Variants in CD247 observed in about 807,000 individuals in gnomAD.
The protein encoded by CD247 is CD247 molecule.
In CD247, 13 loss-of-function variants were observed where a neutral mutation model predicts 30.0. The observed-to-expected ratio is 0.43, with a 90% confidence interval of 0.28 to 0.69. CD247 has a LOEUF of 0.69. Among genes scored for constraint, CD247 ranks in the 30% least tolerant of loss-of-function variants. CD247 has a pLI of 0.16. For missense variants in CD247, 193 were observed against 212.6 expected, an observed-to-expected ratio of 0.91 and a Z score of 0.57; for synonymous variants, 72 against 80.0, an observed-to-expected ratio of 0.90 and a Z score of 0.53.
chr1:167,503,523 A>G (rs1000649384), intron 1 of CD247, among the ~76,000 whole-genome samples: 5 of 152,220 alleles, frequency 3.3e-5, no homozygotes, highest in Non-Finnish European at 7.3e-5. Flanking sequence ...GAAGTTTTGG[A>G]AAAGTCCTGC....
chr1:167,455,913 C>A (rs1652633234), intron 1 of CD247, among the ~76,000 whole-genome samples: 1 of 152,144 alleles, frequency 6.6e-6, no homozygotes, highest in Admixed American at 6.5e-5. Flanking sequence ...GCCCGGCACA[C>A]GAGCACGGCG....
At chr1:167,435,557 C>T (rs1651506570) in intron 4 of CD247, 123 bp from the exon 5 acceptor site, 1 of 795,514 alleles carries the variant, frequency 1.3e-6, no homozygotes, top group Non-Finnish European at 2.2e-6. Context: ...TGCCTCTCTC[C>T]TCCCTGTGCT....
chr1:167,511,782 G>C (rs909684849), intron 1 of CD247, among the ~76,000 whole-genome samples: 2 of 151,986 alleles, frequency 1.3e-5, no homozygotes, highest in African/African-American at 4.8e-5. Flanking sequence ...CCTGTACGAG[G>C]GCCCCGAGAA....
At chr1:167,514,462 TA>T (rs1260859788) in intron 1 of CD247, among the ~76,000 whole-genome samples, 1 of 152,184 alleles carries the variant, frequency 6.6e-6, no homozygotes, top group African/African-American at 2.4e-5. Flanking sequence ...GGTACCATGC[TA>T]AGTGCTGGGT....
chr1:167,501,053 CT>C (rs569489236), intron 1 of CD247, among the ~76,000 whole-genome samples: 6,896 of 124,282 alleles, frequency 0.055, 374 homozygotes, highest in African/African-American at 0.18. Flanking sequence ...TCCTATTGTT[CT>C]TTTTTTTTTT....
chr1:167,451,062 G>A (rs2056625), intron 1 of CD247, among the ~76,000 whole-genome samples: 41,136 of 151,940 alleles, frequency 0.27, 6,996 homozygotes, highest in Middle Eastern at 0.42. Flanking sequence ...AGGGCACTCC[G>A]GGCAGAGGAG....
chr1:167,505,132 T>C lies in CD247; in HGVS notation c.58+13276A>G, dbSNP rs557536842. Among the ~76,000 whole-genome samples, 313 of 152,268 alleles carry C rather than the reference T, an allele frequency of 2.1e-3. 1 individual carries two copies. Among genetic ancestry groups the C allele is most frequent in the Non-Finnish European group, 2.7e-3 (184 of 68,012 alleles). On this transcript the variant is annotated intron_variant, in intron 1 of 7. Coordinates refer to ENST00000362089, the MANE Select transcript of CD247 (RefSeq NM_198053.3). ...CCTTGTACATAGCTGACATTTTCTT[T>C]TCTTTTTCTTTTTTTAGAGACAGGG... is the stretch of plus-strand genomic sequence containing the variant.
intron 1 of CD247, 94 bp downstream of exon 1, chr1:167,518,314 C>CA (rs1655704806): frequency 8.4e-7 from 1 of 1,191,148 alleles, no homozygotes; most frequent in East Asian, 2.3e-5. Context: ...AAGGAGACCC[C>CA]AGCCCCTCAC....
intron 1 of CD247, among the ~76,000 whole-genome samples, chr1:167,511,375 G>T (rs1655380325): frequency 6.6e-6 from 1 of 152,150 alleles, no homozygotes; most frequent in Admixed American, 6.5e-5. Flanking sequence ...TGAGCGGTGT[G>T]CATACCTGCA....
In CD247 at chr1:167,430,789, C is replaced by T. The variant is rs1044938528; in HGVS notation, c.*892G>A. The T allele has an allele frequency of 3.8e-5, 15 of 398,578 alleles. 2 individuals carry two copies. The highest frequency in any genetic ancestry group is 1.8e-4 in the East Asian group (5 of 28,082). 24.7% of individuals were successfully genotyped at this position (398,578 alleles called of 1,614,324 possible). On this transcript the variant is annotated 3_prime_UTR_variant, in exon 8 of 8. Transcript: ENST00000362089. ...ACGCAGCAGTATCCTAGTACATTGACGGGTTTTTCCTGTCCTGCCACTGTC... is the reference window on the plus strand; with the variant it reads ...ACGCAGCAGTATCCTAGTACATTGATGGGTTTTTCCTGTCCTGCCACTGTC...
intron 5 of CD247, chr1:167,434,685 G>A (rs546361639): frequency 2.4e-6 from 1 of 422,642 alleles, no homozygotes; most frequent in East Asian, 7.1e-5. Context: ...TGCCTAGCTT[G>A]ACCTTGCTGT....
intron 1 of CD247, among the ~76,000 whole-genome samples, chr1:167,446,708 TG>T (rs1427280049): frequency 6.6e-6 from 1 of 152,002 alleles, no homozygotes; most frequent in East Asian, 1.9e-4. Context: ...AAACAGATAA[TG>T]GGGGCCAGGC....
intron 1 of CD247, among the ~76,000 whole-genome samples, chr1:167,476,305 A>C (rs1653743966): frequency 6.6e-6 from 1 of 152,134 alleles, no homozygotes. Flanking sequence ...GGGATGGCCC[A>C]CTGTGCACTC....
intron 1 of CD247, among the ~76,000 whole-genome samples, chr1:167,443,299 T>C (rs1651925176): frequency 6.6e-6 from 1 of 152,172 alleles, no homozygotes; most frequent in African/African-American, 2.4e-5. Context: ...TCACTCGATA[T>C]CATGGAATTT....
chr1:167,478,499 C>T (rs1653844763), intron 1 of CD247, among the ~76,000 whole-genome samples: 1 of 152,002 alleles, frequency 6.6e-6, no homozygotes, highest in African/African-American at 2.4e-5. Context: ...TGGGGGGCTT[C>T]GAGGGTTTGA....
intron 1 of CD247, among the ~76,000 whole-genome samples, chr1:167,462,166 T>C (rs2988276): frequency 0.66 from 101,036 of 152,128 alleles, 36,221 homozygotes; most frequent in Non-Finnish European, 0.81. Context: ...CACCTGGCTC[T>C]CTTCAAGCTT....
intron 1 of CD247, among the ~76,000 whole-genome samples, chr1:167,506,111 C>A (rs1193892049): frequency 6.6e-6 from 1 of 152,148 alleles, no homozygotes; most frequent in Non-Finnish European, 1.5e-5. Flanking sequence ...AGAAGTGGAA[C>A]TTGAAGGTAT....
intron 2 of CD247, 32 bp downstream of exon 2, chr1:167,440,632 G>A (rs138636554): frequency 6.2e-6 from 9 of 1,462,334 alleles, no homozygotes; most frequent in African/African-American, 5.6e-5. Flanking sequence ...GGGGGACCCC[G>A]TGCCCTCCTC....
Position 167,460,133 on chromosome 1 carries a change from G to A in CD247, c.59-19366C>T, listed in dbSNP as rs528079447. On this transcript the variant is annotated intron_variant, in intron 1 of 7. Coordinates refer to ENST00000362089, the MANE Select transcript of CD247 (RefSeq NM_198053.3). ...AATAAGATTATGGGCCAGGTGTGGT[G>A]GCTCACGCCTGTAATCCCAGCACTT... 2.6e-5 allele frequency among the ~76,000 whole-genome samples: 4 copies of A among 152,322 alleles called. No individual in the cohort carries two copies. In the South Asian group the frequency reaches 8.3e-4, roughly 32 times the overall value.
Sources: allele counts gnomAD v4.1 joint callset (sites outside exome capture counted in the v4.1 genomes callset), GRCh38; gene constraint gnomAD v4.1.1; transcripts MANE v1.5; gene names NCBI Gene and HGNC (gene_info 2026-07-23, HGNC 2026-07-21).